RAP1GDS1: variants seen among roughly 807,000 people sequenced by gnomAD.
RAP1GDS1 encodes the protein RAP1, GTP-GDP dissociation stimulator 1.
In RAP1GDS1, 35 loss-of-function variants were observed where a neutral mutation model predicts 71.1. The ratio of observed to expected loss-of-function variants is 0.49; its 90% CI spans 0.38 to 0.65. The LOEUF (loss-of-function observed/expected upper bound fraction) is 0.65. Among genes scored for constraint, RAP1GDS1 ranks in the 30% least tolerant of loss-of-function variants. The pLI, the probability that RAP1GDS1 is intolerant of heterozygous loss-of-function variation, is 0.00. For missense variants in RAP1GDS1, 663 were observed against 706.1 expected, an observed-to-expected ratio of 0.94 and a Z score of 0.69; for synonymous variants, 229 against 243.1, an observed-to-expected ratio of 0.94 and a Z score of 0.54.
Position 98,261,555 on chromosome 4 carries a change from C to G in RAP1GDS1, c.-11C>G, listed in dbSNP as rs759221554. 4.4e-6 allele frequency: 7 copies of G among 1,601,446 alleles called. No individual in the cohort carries two copies. In the African/African-American group the frequency reaches 6.7e-5, roughly 15 times the overall value. ...CCTCGCCCCGCCGGTTCCTCACCCT[C>G]GGGGAGCAACATGGGTAAGTCATCC... On this transcript the variant is annotated 5_prime_UTR_variant, in exon 1 of 15. Transcript: ENST00000408927.
chr4:98,442,803 G>A lies in RAP1GDS1; in HGVS notation c.*686G>A, dbSNP rs543153611. The A allele has an allele frequency of 1.3e-4, 30 of 229,706 alleles. No individual in the cohort carries two copies. In the East Asian group the frequency reaches 1.8e-3, roughly 14 times the overall value. 14.2% of individuals were successfully genotyped at this position (229,706 alleles called of 1,614,324 possible). On this transcript the variant is annotated 3_prime_UTR_variant, in exon 15 of 15. Transcript: ENST00000408927. Reference sequence around the variant, plus strand: ...TTGAAAAACATTTGTAGTTTTCAGTGTGAAACTAAGGGGTTGAAGAATCAC... The same window carrying A: ...TTGAAAAACATTTGTAGTTTTCAGTATGAAACTAAGGGGTTGAAGAATCAC...
intron 4 of RAP1GDS1, among the ~76,000 whole-genome samples, chr4:98,361,291 T>G (rs1738713097): frequency 6.6e-6 from 1 of 151,934 alleles, no homozygotes; most frequent in African/African-American, 2.4e-5. Flanking sequence ...CTTTTATATT[T>G]AAAATATTTA....
chr4:98,421,196 A>G lies in RAP1GDS1; in HGVS notation c.1301-59A>G. The G allele has an allele frequency of 2.7e-6, 4 of 1,476,290 alleles. No individual in the cohort carries two copies. The South Asian group carries it at 4.3e-5, about 16-fold the overall frequency. 91.4% of individuals were successfully genotyped at this position (1,476,290 alleles called of 1,614,324 possible). A position where few individuals can be genotyped will look rare whatever the true frequency, so the allele number is the denominator to read the frequency against. On this transcript the variant is annotated intron_variant, in intron 11 of 14. Transcript: ENST00000408927. ...CCTTCACACTCTCAAATCTGTACGA[A>G]TTATTTCAACTGATTGTCTGTTAGT...
intron 14 of RAP1GDS1, among the ~76,000 whole-genome samples, chr4:98,440,393 T>A (rs1751717629): frequency 6.6e-6 from 1 of 152,194 alleles, no homozygotes; most frequent in African/African-American, 2.4e-5. Context: ...TTAATTTTTT[T>A]ATTAAATACT....
In RAP1GDS1 at chr4:98,278,937, A is replaced by G. The variant is rs944632678; in HGVS notation, c.5-14471A>G. On this transcript the variant is annotated intron_variant, in intron 1 of 14. Transcript: ENST00000408927. The stretch of plus-strand genomic sequence containing the variant: ...GTCATCATAGTATAATAATAGGGCC[A>G]CTAGGCCGGGCGCGGTGGCTCACGC... Among the ~76,000 whole-genome samples the G allele has an allele frequency of 4.6e-5, 7 of 152,290 alleles. No individual in the cohort carries two copies. In the South Asian group the frequency reaches 6.2e-4, roughly 14 times the overall value.
intron 1 of RAP1GDS1, among the ~76,000 whole-genome samples, chr4:98,286,052 A>G (rs764015463): frequency 2.6e-5 from 4 of 151,480 alleles, no homozygotes; most frequent in Non-Finnish European, 5.9e-5. Flanking sequence ...GGATGGCTTG[A>G]GCTCAGGAGG....
At chr4:98,283,091 G>T (rs1021855658) in intron 1 of RAP1GDS1, among the ~76,000 whole-genome samples, 7 of 152,128 alleles carry the variant, frequency 4.6e-5, no homozygotes, top group Non-Finnish European at 1.0e-4. Flanking sequence ...AAATTCATCA[G>T]ATTTTAAAAA....
At chr4:98,422,661 GAAAA>G (rs763789145) in intron 12 of RAP1GDS1, among the ~76,000 whole-genome samples, 5 of 152,196 alleles carry the variant, frequency 3.3e-5, no homozygotes, top group Non-Finnish European at 5.9e-5. Flanking sequence ...GATGCCAAGA[GAAAA>G]AACGTAAAAC....
intron 4 of RAP1GDS1, among the ~76,000 whole-genome samples, chr4:98,365,709 C>G (rs1429088715): frequency 6.6e-6 from 1 of 152,166 alleles, no homozygotes; most frequent in Non-Finnish European, 1.5e-5. Flanking sequence ...TTATACACAT[C>G]TAACTTTTTT....
At chr4:98,372,263 AG>A (rs1384868839) in intron 4 of RAP1GDS1, among the ~76,000 whole-genome samples, 1 of 152,108 alleles carries the variant, frequency 6.6e-6, no homozygotes, top group Non-Finnish European at 1.5e-5. Flanking sequence ...CCTAGGTTCA[AG>A]CAATTCTTCT....
intron 6 of RAP1GDS1, among the ~76,000 whole-genome samples, chr4:98,400,528 TAAAAAA>T (rs774732053): frequency 1.3e-5 from 1 of 74,382 alleles, no homozygotes; most frequent in Admixed American, 1.5e-4. Flanking sequence ...TTTATAGAAG[TAAAAAA>T]AAAAAAAAAA....
At chr4:98,327,235 G>A (rs1393915787) in intron 2 of RAP1GDS1, among the ~76,000 whole-genome samples, 1 of 152,102 alleles carries the variant, frequency 6.6e-6, no homozygotes, top group East Asian at 1.9e-4. Context: ...ATGATATTTA[G>A]GAATAGGGCA....
At chr4:98,264,456 A>G (rs1270768333) in intron 1 of RAP1GDS1, among the ~76,000 whole-genome samples, 1 of 152,166 alleles carries the variant, frequency 6.6e-6, no homozygotes, top group Non-Finnish European at 1.5e-5. Flanking sequence ...GAGTGAAAGA[A>G]AAGTCCTATA....
intron 12 of RAP1GDS1, among the ~76,000 whole-genome samples, chr4:98,427,616 G>T (rs1248264550): frequency 6.6e-6 from 1 of 151,824 alleles, no homozygotes; most frequent in Non-Finnish European, 1.5e-5. Context: ...TACAATAGCT[G>T]CAAAAAATAA....
intron 2 of RAP1GDS1, among the ~76,000 whole-genome samples, chr4:98,305,602 C>G (rs1361566532): frequency 6.6e-6 from 1 of 152,154 alleles, no homozygotes; most frequent in Non-Finnish European, 1.5e-5. Context: ...CAATCTCTCA[C>G]AAGCCATGAG....
chr4:98,415,976 G>A (rs1325639740), intron 7 of RAP1GDS1, among the ~76,000 whole-genome samples: 1 of 151,382 alleles, frequency 6.6e-6, no homozygotes, highest in Non-Finnish European at 1.5e-5. Context: ...GAGTGCAGTG[G>A]CACAGTCATA....
chr4:98,399,100 A>G (rs978641087), intron 6 of RAP1GDS1, among the ~76,000 whole-genome samples: 21 of 152,222 alleles, frequency 1.4e-4, no homozygotes, highest in African/African-American at 3.4e-4. Context: ...AACCACATGT[A>G]AAACCCAAAC....
At chr4:98,391,661 C>T (rs546928634) in intron 5 of RAP1GDS1, among the ~76,000 whole-genome samples, 4 of 152,130 alleles carry the variant, frequency 2.6e-5, no homozygotes, top group African/African-American at 9.6e-5. Flanking sequence ...TAAAAGCCTG[C>T]TTTTTAATGG....
chr4:98,314,701 G>A (rs1448267965), intron 2 of RAP1GDS1, among the ~76,000 whole-genome samples: 2 of 152,090 alleles, frequency 1.3e-5, no homozygotes, highest in African/African-American at 4.8e-5. Flanking sequence ...GGTCTACATA[G>A]ATAAGTAATA....
Sources: allele counts gnomAD v4.1 joint callset (sites outside exome capture counted in the v4.1 genomes callset), GRCh38; gene constraint gnomAD v4.1.1; transcripts MANE v1.5; gene names NCBI Gene and HGNC (gene_info 2026-07-23, HGNC 2026-07-21).